ITPRID1: variants seen among roughly 807,000 people sequenced by gnomAD.
ITPRID1 encodes protein ITPRID1.
In ITPRID1, 96 loss-of-function variants were observed where a neutral mutation model predicts 95.4. The observed-to-expected ratio is 1.01, with a 90% CI of 0.85 to 1.19. The LOEUF is 1.19. Ranked by LOEUF, ITPRID1 falls within the 50% of genes most tolerant of loss-of-function variation. The pLI, the probability that ITPRID1 is intolerant of heterozygous loss-of-function variation, is 0.00. For synonymous variants in ITPRID1, 510 were observed against 453.6 expected, an observed-to-expected ratio of 1.12 and a Z score of -1.58; for missense variants, 1,339 against 1,252.9, an observed-to-expected ratio of 1.07 and a Z score of -1.04.
rs574938309 is a variant in ITPRID1 at position 31,651,036 on chromosome 7, G to A, written c.2584-106G>A. ...CCCCCTTATATTAGCAGTAGGGCCTGTTTGCGAAAAAAGGGATCCCAAATG... is the reference window on the plus strand; with the variant it reads ...CCCCCTTATATTAGCAGTAGGGCCTATTTGCGAAAAAAGGGATCCCAAATG... On this transcript the variant is annotated intron_variant, in intron 12 of 14. Coordinates refer to ENST00000615280, the MANE Select transcript of ITPRID1 (RefSeq NM_001257967.3). The A allele has an allele frequency of 1.1e-4, 142 of 1,321,616 alleles. 1 individual carries two copies. The South Asian group carries it at 2.1e-3, about 20-fold the overall frequency. The allele number at this position is 1,321,616 out of a possible 1,614,324, so 81.9% of individuals were successfully genotyped here. A position where few individuals can be genotyped will look rare whatever the true frequency, so the allele number is the denominator to read the frequency against.
intron 3 of ITPRID1, 60 bp downstream of exon 3, chr7:31,553,247 G>A: frequency 6.8e-7 from 1 of 1,469,884 alleles, no homozygotes; most frequent in Admixed American, 2.3e-5. Context: ...AGGGATGTGG[G>A]AGCTTTTGGC....
In ITPRID1 at chr7:31,643,969, G is replaced by A. The variant is rs1213077776; in HGVS notation, c.2583+16G>A. On this transcript the variant is annotated intron_variant, in intron 12 of 14. Transcript: ENST00000615280. ...GCTATGTTCCGTAAGTGTTCACCCTGGCAAAGATGGAAAGGCAGATGCACC... is the reference window on the plus strand; with the variant it reads ...GCTATGTTCCGTAAGTGTTCACCCTAGCAAAGATGGAAAGGCAGATGCACC... The A allele has an allele frequency of 6.3e-7, 1 of 1,581,930 alleles. No homozygotes were observed. The highest frequency in any genetic ancestry group is 1.2e-5 in the South Asian group (1 of 86,320).
Position 31,551,210 on chromosome 7 carries a change from C to T in ITPRID1, c.-24+1711C>T, listed in dbSNP as rs191589935. Among the ~76,000 whole-genome samples, 244 of 143,556 alleles carry T rather than the reference C, an allele frequency of 1.7e-3. 14 individuals carry two copies. The highest frequency in any genetic ancestry group is 5.8e-3 in the African/African-American group (238 of 40,834). The allele number at this position is 143,556 out of a possible 152,430, so 94.2% of individuals were successfully genotyped here. On this transcript the variant is annotated intron_variant, in intron 2 of 14. Transcript: ENST00000615280. The stretch of plus-strand genomic sequence containing the variant: ...TTGTGAAATTTTGCACTGTCAGTGT[C>T]GATGCTGTTATTAGCATTCATGCTC...
chr7:31,632,591 C>G (rs1789110041), intron 10 of ITPRID1, among the ~76,000 whole-genome samples: 1 of 152,184 alleles, frequency 6.6e-6, no homozygotes, highest in Non-Finnish European at 1.5e-5. Context: ...AAAATAGAGA[C>G]TGATATCAGT....
chr7:31,528,750 T>G (rs1246705476), intron 1 of ITPRID1, among the ~76,000 whole-genome samples: 3 of 152,136 alleles, frequency 2.0e-5, no homozygotes, highest in African/African-American at 7.2e-5. Flanking sequence ...CCTCCTCCCC[T>G]CTTTCCCCTC....
intron 10 of ITPRID1, among the ~76,000 whole-genome samples, chr7:31,613,852 G>A (rs879561730): frequency 4.6e-5 from 7 of 152,118 alleles, no homozygotes; most frequent in Admixed American, 4.6e-4. Flanking sequence ...TTACATTTGT[G>A]TTATTCTTGC....
chr7:31,622,779 G>A (rs1562621827), intron 10 of ITPRID1, among the ~76,000 whole-genome samples: 1 of 152,054 alleles, frequency 6.6e-6, no homozygotes, highest in East Asian at 1.9e-4. Context: ...GAAGGAAATA[G>A]AGACACAAAA....
chr7:31,658,491 C>T (rs927420684), downstream of ITPRID1: 2 of 1,082,526 alleles, frequency 1.8e-6, no homozygotes, highest in African/African-American at 1.6e-5. Context: ...AAAGTGGTGC[C>T]CCTTTGAGAA....
At chr7:31,626,431 G>A (rs774624964) in intron 10 of ITPRID1, among the ~76,000 whole-genome samples, 2 of 152,048 alleles carry the variant, frequency 1.3e-5, no homozygotes, top group Non-Finnish European at 2.9e-5. Context: ...AATTAATCTG[G>A]TACTATTTAG....
chr7:31,566,339 G>A (rs1239171123), intron 5 of ITPRID1, among the ~76,000 whole-genome samples: 2 of 152,210 alleles, frequency 1.3e-5, no homozygotes, highest in South Asian at 2.1e-4. Flanking sequence ...TGATGTACAC[G>A]TTTATTCACA....
At chr7:31,527,653 A>G (rs1397676361) in intron 1 of ITPRID1, among the ~76,000 whole-genome samples, 1 of 152,038 alleles carries the variant, frequency 6.6e-6, no homozygotes, top group Non-Finnish European at 1.5e-5. Context: ...TGTAATTTCC[A>G]GGATGTTTTT....
In ITPRID1 at chr7:31,572,155, A is replaced by T. The variant is rs2128143741; in HGVS notation, c.362A>T (p.Asn121Ile). ...ATCCTATCCAGAGGGACCAGTTTCAACTCTTGCTATTCTACTGCAAGTGTA... is the reference window on the plus strand; with the variant it reads ...ATCCTATCCAGAGGGACCAGTTTCATCTCTTGCTATTCTACTGCAAGTGTA... ...TPILSRGTSF[N>I]SCYSTASVPQ... Residue 121 changes from asparagine to isoleucine, a missense_variant, in exon 7 of 15, where the codon AAC (asparagine) becomes ATC (isoleucine). Coordinates refer to ENST00000615280, the MANE Select transcript of ITPRID1 (RefSeq NM_001257967.3). 2 of 1,611,568 alleles carry T rather than the reference A, an allele frequency of 1.2e-6. No individual in the cohort carries two copies. Among genetic ancestry groups the T allele is most frequent in the East Asian group, 2.2e-5 (1 of 44,814 alleles).
intron 10 of ITPRID1, among the ~76,000 whole-genome samples, chr7:31,613,484 G>A (rs985239527): frequency 2.0e-5 from 3 of 151,936 alleles, no homozygotes; most frequent in Non-Finnish European, 2.9e-5. Context: ...GCTTACTGTA[G>A]TTTCTATGGG....
chr7:31,574,532 T>C lies in ITPRID1; in HGVS notation c.396-8T>C, dbSNP rs1785105859. 1.2e-6 allele frequency: 2 copies of C among 1,610,986 alleles called. No individual in the cohort carries two copies. The highest frequency in any genetic ancestry group is 1.7e-6 in the Non-Finnish European group (2 of 1,177,500). On this transcript the variant is annotated splice_polypyrimidine_tract_variant and splice_region_variant and intron_variant, in intron 7 of 14. Coordinates refer to ENST00000615280, the MANE Select transcript of ITPRID1 (RefSeq NM_001257967.3). Reference sequence around the variant, plus strand: ...TCTGGATAAAGATATTCATATTTTTTACCACAGCATTCCTGAATGGCTGGA... The same window carrying C: ...TCTGGATAAAGATATTCATATTTTTCACCACAGCATTCCTGAATGGCTGGA...
intron 7 of ITPRID1, among the ~76,000 whole-genome samples, chr7:31,573,564 A>G (rs1387990221): frequency 6.6e-6 from 1 of 152,120 alleles, no homozygotes; most frequent in Non-Finnish European, 1.5e-5. Flanking sequence ...TATCTAAACT[A>G]TCTCAAATAG....
chr7:31,538,981 C>T (rs976565111), intron 1 of ITPRID1, among the ~76,000 whole-genome samples: 9 of 152,116 alleles, frequency 5.9e-5, no homozygotes, highest in Admixed American at 3.3e-4. Flanking sequence ...TCTGTAACTC[C>T]GTCATTCTTT....
intron 12 of ITPRID1, among the ~76,000 whole-genome samples, chr7:31,649,279 T>C (rs1238750350): frequency 6.6e-6 from 1 of 152,152 alleles, no homozygotes; most frequent in African/African-American, 2.4e-5. Flanking sequence ...ATGTTGGCCA[T>C]GTAGTTTAGA....
chr7:31,600,073 C>T (rs965408963), intron 10 of ITPRID1, among the ~76,000 whole-genome samples: 1 of 151,864 alleles, frequency 6.6e-6, no homozygotes, highest in African/African-American at 2.4e-5. Context: ...AAAGATTTAA[C>T]AAAAAAAGTC....
intron 1 of ITPRID1, among the ~76,000 whole-genome samples, chr7:31,542,293 G>A (rs552886302): frequency 1.1e-4 from 16 of 152,270 alleles, no homozygotes; most frequent in African/African-American, 3.8e-4. Flanking sequence ...TAGCTGCAAA[G>A]CTCGCAAGTT....
Sources: allele counts gnomAD v4.1 joint callset (sites outside exome capture counted in the v4.1 genomes callset), GRCh38; gene constraint gnomAD v4.1.1; transcripts MANE v1.5; gene names NCBI Gene and HGNC (gene_info 2026-07-23, HGNC 2026-07-21).